Variants in TEC observed in about 807,000 individuals in gnomAD.
The protein encoded by TEC is tec protein tyrosine kinase, also known as tyrosine-protein kinase Tec.
In TEC, 72 loss-of-function variants were observed where a neutral mutation model predicts 93.0. The ratio of observed to expected loss-of-function variants is 0.77; its 90% CI spans 0.64 to 0.94. The LOEUF (loss-of-function observed/expected upper bound fraction) is 0.94, where lower values mean the gene tolerates loss of function less well. Among genes scored for constraint, TEC ranks in the 40% least tolerant of loss-of-function variants. The pLI, the probability that TEC is intolerant of heterozygous loss-of-function variation, is 0.00. For missense variants in TEC, 630 were observed against 757.9 expected (o/e 0.83, Z 1.98); for synonymous variants, 249 against 247.7 (o/e 1.01, Z -0.05).
At chr4:48,226,519 C>T (rs1274747955) in intron 2 of TEC, among the ~76,000 whole-genome samples, 2 of 152,178 alleles carry the variant, frequency 1.3e-5, no homozygotes, top group Non-Finnish European at 2.9e-5. Flanking sequence ...TGATGATCCA[C>T]TTCCCGTTAA....
Position 48,145,151 on chromosome 4 carries a change from C to G in TEC, c.1398G>C (p.Leu466=), listed in dbSNP as rs760243891. 9.4e-5 allele frequency: 152 copies of G among 1,613,986 alleles called. No individual in the cohort carries two copies. The highest frequency in any genetic ancestry group is 9.1e-5 in the Non-Finnish European group (107 of 1,180,006). ...CACACACATCCTGACACATGCTCAGCAGTACGTCTCTACTGAAATGACCTT... is the reference window on the plus strand; with the variant it reads ...CACACACATCCTGACACATGCTCAGGAGTACGTCTCTACTGAAATGACCTT... The part of the protein sequence containing the change: ...QRQGHFSRDV[L]LSMCQDVCEG... The change falls in exon 14 of 18, where the codon CTG becomes CTC. Residue 466 remains leucine, a synonymous_variant. Coordinates refer to ENST00000381501, the MANE Select transcript of TEC (RefSeq NM_003215.3).
chr4:48,136,674 T>C lies in TEC; in HGVS notation c.*742A>G, dbSNP rs1719437191. The C allele has an allele frequency of 6.6e-6, 1 of 152,170 alleles. No individual in the cohort carries two copies. The highest frequency in any genetic ancestry group is 2.1e-4 in the South Asian group (1 of 4,828). 9.4% of individuals were successfully genotyped at this position (152,170 alleles called of 1,614,324 possible). ...GCGTTACTCATAGAAGAATCTAGACTTTCTTCTCTTCAGGCATATTTGATG... is the reference window on the plus strand; with the variant it reads ...GCGTTACTCATAGAAGAATCTAGACCTTCTTCTCTTCAGGCATATTTGATG... On this transcript the variant is annotated 3_prime_UTR_variant, in exon 18 of 18. Transcript: ENST00000381501.
chr4:48,203,036 C>G (rs1722583999), intron 2 of TEC, among the ~76,000 whole-genome samples: 1 of 152,144 alleles, frequency 6.6e-6, no homozygotes, highest in Non-Finnish European at 1.5e-5. Context: ...TTTTCTTTAA[C>G]TCGGTCTGTC....
intron 1 of TEC, among the ~76,000 whole-genome samples, chr4:48,269,089 C>T (rs1724713677): frequency 6.6e-6 from 1 of 151,266 alleles, no homozygotes; most frequent in South Asian, 2.1e-4. Context: ...ACACAACTTC[C>T]CGGGGCGAGG....
intron 1 of TEC, among the ~76,000 whole-genome samples, chr4:48,250,288 G>C (rs189807749): frequency 9.2e-5 from 14 of 152,256 alleles, no homozygotes; most frequent in African/African-American, 3.1e-4. Context: ...TAATTCATCA[G>C]CATGTTCTTT....
intron 15 of TEC, among the ~76,000 whole-genome samples, chr4:48,139,367 G>C (rs1218984291): frequency 1.3e-5 from 2 of 152,144 alleles, no homozygotes; most frequent in Non-Finnish European, 1.5e-5. Flanking sequence ...TTTACCCAAA[G>C]GCCCCATATG....
chr4:48,141,221 T>C, intron 15 of TEC, 134 bp downstream of exon 15: 1 of 737,002 alleles, frequency 1.4e-6, no homozygotes, highest in South Asian at 1.7e-5. Context: ...ACCATCACAA[T>C]ATATACTTAA....
chr4:48,264,252 T>G (rs1238024086), intron 1 of TEC, among the ~76,000 whole-genome samples: 1 of 152,104 alleles, frequency 6.6e-6, no homozygotes, highest in African/African-American at 2.4e-5. Flanking sequence ...GGCTAAAAAA[T>G]TAGTGACTTT....
chr4:48,235,300 T>C (rs1723755475), intron 1 of TEC, among the ~76,000 whole-genome samples: 1 of 152,200 alleles, frequency 6.6e-6, no homozygotes, highest in Non-Finnish European at 1.5e-5. Context: ...TCTGGTTTGT[T>C]GGGGCCTAGT....
chr4:48,228,129 T>C (rs1267798700), intron 2 of TEC, among the ~76,000 whole-genome samples: 4 of 152,228 alleles, frequency 2.6e-5, no homozygotes, highest in Non-Finnish European at 5.9e-5. Context: ...GAAATATTCA[T>C]ATAAAGTAAT....
chr4:48,236,028 A>T (rs1209489895), intron 1 of TEC, among the ~76,000 whole-genome samples: 1 of 152,170 alleles, frequency 6.6e-6, no homozygotes, highest in Non-Finnish European at 1.5e-5. Flanking sequence ...ATGAGGTGTC[A>T]CTTCCAGTCT....
chr4:48,198,563 G>T (rs977841291), intron 2 of TEC, among the ~76,000 whole-genome samples: 2 of 152,110 alleles, frequency 1.3e-5, no homozygotes, highest in Non-Finnish European at 2.9e-5. Context: ...ACTACTCTTT[G>T]TCCAACATAA....
At chr4:48,162,161 G>A (rs1720695273) in intron 8 of TEC, among the ~76,000 whole-genome samples, 1 of 152,200 alleles carries the variant, frequency 6.6e-6, no homozygotes, top group Non-Finnish European at 1.5e-5. Context: ...ACAGAATAGG[G>A]TCTCTGCCTG....
chr4:48,197,189 T>C (rs554737224), intron 2 of TEC, among the ~76,000 whole-genome samples: 1 of 152,290 alleles, frequency 6.6e-6, no homozygotes, highest in South Asian at 2.1e-4. Context: ...GCCCAAAAAA[T>C]ATCACAAAGC....
intron 15 of TEC, 137 bp from the exon 16 acceptor site, chr4:48,139,159 T>C: frequency 1.4e-6 from 1 of 722,660 alleles, no homozygotes; most frequent in Non-Finnish European, 2.3e-6. Flanking sequence ...AGCTAAATGT[T>C]CACCTCAGTG....
chr4:48,262,896 C>T lies in TEC; in HGVS notation c.-46+6856G>A, dbSNP rs539318515. Among the ~76,000 whole-genome samples, 53 of 152,350 alleles carry T rather than the reference C, an allele frequency of 3.5e-4. 1 individual carries two copies. The South Asian group carries it at 8.9e-3, about 26-fold the overall frequency. ...TTCTGTATTGCCAATGCATAGCTGC[C>T]ATCATGGGAAGATCGAGCTTTGCTT... is the stretch of plus-strand genomic sequence containing the variant. On this transcript the variant is annotated intron_variant, in intron 1 of 17. Transcript: ENST00000381501.
chr4:48,228,916 T>C (rs1723567198), intron 1 of TEC, among the ~76,000 whole-genome samples: 1 of 152,196 alleles, frequency 6.6e-6, no homozygotes, highest in South Asian at 2.1e-4. Context: ...ATTCATTCCT[T>C]TTTACCTCCT....
intron 3 of TEC, 82 bp downstream of exon 3, chr4:48,176,000 A>G: frequency 2.1e-6 from 2 of 964,040 alleles, no homozygotes; most frequent in South Asian, 3.3e-5. Flanking sequence ...CAGCCAGCAA[A>G]GCAAGGACAG....
chr4:48,228,875 A>G (rs965192500), intron 1 of TEC, among the ~76,000 whole-genome samples: 2 of 152,192 alleles, frequency 1.3e-5, no homozygotes, highest in African/African-American at 4.8e-5. Context: ...ATTTCATGAG[A>G]AAAATCTAAT....
Sources: gnomAD v4.1 joint callset for allele counts (sites outside exome capture counted in the v4.1 genomes callset) on GRCh38, gnomAD v4.1.1 for gene constraint, MANE v1.5 for transcripts, NCBI Gene and HGNC (gene_info 2026-07-23, HGNC 2026-07-21) for gene names.